The following HS2ST1 variants were observed in gnomAD, a reference collection of about 807,000 sequenced individuals.
HS2ST1 encodes the protein 2-O-sulfotransferase.
In HS2ST1, 18 loss-of-function variants were observed where a neutral mutation model predicts 42.9. The ratio of observed to expected loss-of-function variants is 0.42; its 90% CI spans 0.29 to 0.62. The LOEUF (loss-of-function observed/expected upper bound fraction) is 0.62, where lower values mean the gene tolerates loss of function less well. Ranked by LOEUF, HS2ST1 falls within the 20% of genes least tolerant of loss-of-function variation. HS2ST1 has a pLI of 0.21. For missense variants in HS2ST1, 334 were observed against 433.8 expected, an observed-to-expected ratio of 0.77 and a Z score of 2.04; for synonymous variants, 146 against 152.9, an observed-to-expected ratio of 0.95 and a Z score of 0.33.
chr1:86,987,283 C>A (rs1374909722), intron 1 of HS2ST1, among the ~76,000 whole-genome samples: 1 of 151,848 alleles, frequency 6.6e-6, no homozygotes, highest in Non-Finnish European at 1.5e-5. Context: ...ACCATGTCAT[C>A]CAGGCTGGTC....
At chr1:87,090,184 T>C (rs1257584833) in intron 3 of HS2ST1, among the ~76,000 whole-genome samples, 2 of 152,018 alleles carry the variant, frequency 1.3e-5, no homozygotes, top group Admixed American at 6.6e-5. Flanking sequence ...AAGGCTTTTG[T>C]TAGTGGCTAA....
At chr1:86,924,402 C>A (rs1206532471) in intron 1 of HS2ST1, among the ~76,000 whole-genome samples, 1 of 152,206 alleles carries the variant, frequency 6.6e-6, no homozygotes, top group Non-Finnish European at 1.5e-5. Flanking sequence ...TCTCACAGCG[C>A]CACTAGGTGG....
At position 86,966,974 on chromosome 1, in the gene HS2ST1, C is replaced by G. The variant is rs111787500; in HGVS notation, c.124+51814C>G. Among the ~76,000 whole-genome samples, 322 of 152,104 alleles carry G rather than the reference C, an allele frequency of 2.1e-3. 1 individual carries two copies. The highest frequency in any genetic ancestry group is 7.1e-3 in the African/African-American group (295 of 41,492). ...TGGTGCGATCTCAGCTCACTGCAAC[C>G]TCTGCCTCCCAGGTTTAAGCGATTC... On this transcript the variant is annotated intron_variant, in intron 1 of 6. Coordinates refer to ENST00000370550, the MANE Select transcript of HS2ST1 (RefSeq NM_012262.4).
chr1:87,018,994 C>T (rs1352592610), intron 1 of HS2ST1, among the ~76,000 whole-genome samples: 1 of 152,180 alleles, frequency 6.6e-6, no homozygotes, highest in African/African-American at 2.4e-5. Context: ...TTTAGATAGG[C>T]ATTCTTGAGC....
Position 86,915,004 on chromosome 1 carries a change from C to G in HS2ST1, c.-33C>G, listed in dbSNP as rs563723959. The G allele has an allele frequency of 6.2e-7, 1 of 1,613,226 alleles. No individual in the cohort carries two copies. ...CTCCGGGGTCCCGCTCCCCGCCCCC[C>G]GCGGTATGTCTTGATCCCGAGCAGC... On this transcript the variant is annotated 5_prime_UTR_variant, in exon 1 of 7. Transcript: ENST00000370550.
Position 86,939,470 on chromosome 1 carries a change from C to T in HS2ST1, c.124+24310C>T, listed in dbSNP as rs553792205. ...AGATACTACTTAACCTTTTTTACTC[C>T]ATGTCATGGATGTACTTATGTTTTC... On this transcript the variant is annotated intron_variant, in intron 1 of 6. Transcript: ENST00000370550. 9.2e-5 allele frequency among the ~76,000 whole-genome samples: 14 copies of T among 152,244 alleles called. No individual in the cohort carries two copies. The East Asian group carries it at 2.7e-3, about 29-fold the overall frequency.
chr1:86,941,845 T>G lies in HS2ST1; in HGVS notation c.124+26685T>G, dbSNP rs553574292. On this transcript the variant is annotated intron_variant, in intron 1 of 6. Transcript: ENST00000370550. ...ACCTGCTACTGAACCTGTTTTCCTC[T>G]GTTCTGCTCACAGGTAACTGCCAAG... Among the ~76,000 whole-genome samples, 5 of 152,320 alleles carry G rather than the reference T, an allele frequency of 3.3e-5. No homozygotes were observed. The East Asian group carries it at 9.6e-4, about 29-fold the overall frequency.
intron 1 of HS2ST1, among the ~76,000 whole-genome samples, chr1:86,931,106 G>A (rs55946540): frequency 0.14 from 21,989 of 151,998 alleles, 2,484 homozygotes; most frequent in African/African-American, 0.32. Flanking sequence ...AGTATGTGAC[G>A]TGAAATATAG....
intron 3 of HS2ST1, among the ~76,000 whole-genome samples, chr1:87,084,836 GTCACTCACTCAC>G (rs66857719): frequency 0.024 from 3,457 of 143,136 alleles, 73 homozygotes; most frequent in African/African-American, 0.051. Context: ...CTCCCTCCCT[GTCACTCACTCAC>G]TCACTCACTC....
chr1:87,102,048 TTTA>T (rs756546504), intron 5 of HS2ST1, among the ~76,000 whole-genome samples: 4 of 151,362 alleles, frequency 2.6e-5, no homozygotes, highest in East Asian at 1.9e-4. Flanking sequence ...GACCCAGTCG[TTTA>T]TTATTATTAT....
intron 1 of HS2ST1, among the ~76,000 whole-genome samples, chr1:86,946,289 G>T (rs145181543): frequency 2.2e-4 from 33 of 152,326 alleles, no homozygotes; most frequent in Admixed American, 1.4e-3. Flanking sequence ...TTTTAGAGTT[G>T]AAAGGATCTT....
chr1:87,053,828 A>G (rs545141861), intron 1 of HS2ST1, among the ~76,000 whole-genome samples: 6 of 152,334 alleles, frequency 3.9e-5, no homozygotes, highest in South Asian at 2.1e-4. Context: ...CACATATGTT[A>G]TAGGTAATGT....
chr1:87,074,970 C>G (rs1386651139), intron 2 of HS2ST1, among the ~76,000 whole-genome samples: 1 of 151,810 alleles, frequency 6.6e-6, no homozygotes, highest in Non-Finnish European at 1.5e-5. Flanking sequence ...ACTGCTTCCC[C>G]TTCTTTTGTG....
intron 1 of HS2ST1, among the ~76,000 whole-genome samples, chr1:87,011,564 C>T (rs879533044): frequency 1.3e-5 from 2 of 152,134 alleles, no homozygotes; most frequent in African/African-American, 4.8e-5. Flanking sequence ...TTCTTAATGC[C>T]ACTTGAATGA....
At chr1:87,093,314 G>A (rs1436060736) in intron 4 of HS2ST1, among the ~76,000 whole-genome samples, 1 of 151,988 alleles carries the variant, frequency 6.6e-6, no homozygotes, top group Non-Finnish European at 1.5e-5. Flanking sequence ...CAGTGCTTCG[G>A]CCACATGAAA....
At chr1:87,090,887 T>A (rs1651924188) in intron 3 of HS2ST1, among the ~76,000 whole-genome samples, 1 of 151,958 alleles carries the variant, frequency 6.6e-6, no homozygotes, top group Admixed American at 6.6e-5. Context: ...ATCCCATCTT[T>A]CCAGAACACT....
At chr1:86,928,455 C>A (rs1018282633) in intron 1 of HS2ST1, among the ~76,000 whole-genome samples, 1 of 151,958 alleles carries the variant, frequency 6.6e-6, no homozygotes, top group East Asian at 1.9e-4. Context: ...ATTTAAGATT[C>A]TTGATTTATA....
At chr1:87,035,235 C>T (rs1201292977) in intron 1 of HS2ST1, among the ~76,000 whole-genome samples, 1 of 152,194 alleles carries the variant, frequency 6.6e-6, no homozygotes, top group Non-Finnish European at 1.5e-5. Flanking sequence ...GTTTTCCTAT[C>T]AGCTAGTCAT....
rs966449402 is a variant in HS2ST1, at chr1:87,106,144, T to C, written c.*1448T>C. 6.6e-6 allele frequency: 1 copy of C among 152,564 alleles called. No homozygotes were observed. The highest frequency in any genetic ancestry group is 1.5e-5 in the Non-Finnish European group (1 of 67,968). The allele number at this position is 152,564 out of a possible 1,614,324, so 9.5% of individuals were successfully genotyped here. On this transcript the variant is annotated 3_prime_UTR_variant, in exon 7 of 7. Coordinates refer to ENST00000370550, the MANE Select transcript of HS2ST1 (RefSeq NM_012262.4). Reference sequence around the variant, plus strand: ...AACATATAGTTTCATACCATTCATTTTTTAACAAAGAAAGGGAAAAGTCTG... The same window carrying C: ...AACATATAGTTTCATACCATTCATTCTTTAACAAAGAAAGGGAAAAGTCTG...
Sources: gnomAD v4.1 joint callset for allele counts (sites outside exome capture counted in the v4.1 genomes callset) on GRCh38, gnomAD v4.1.1 for gene constraint, MANE v1.5 for transcripts, NCBI Gene and HGNC (gene_info 2026-07-23, HGNC 2026-07-21) for gene names.